Variants in CLIP2 observed in about 807,000 individuals in gnomAD.
CLIP2 encodes the protein CAP-Gly domain containing linker protein 2.
Under a neutral mutation model 111.7 loss-of-function variants are expected in CLIP2, and 41 were observed. The observed-to-expected ratio is 0.37, with a 90% confidence interval of 0.29 to 0.48. The LOEUF (loss-of-function observed/expected upper bound fraction) is 0.48. Among genes scored for constraint, CLIP2 ranks in the 20% least tolerant of loss-of-function variants. The pLI, the probability that CLIP2 is intolerant of heterozygous loss-of-function variation, is 0.99. For missense variants in CLIP2, 1,160 were observed against 1,422.1 expected, an observed-to-expected ratio of 0.82 and a Z score of 2.96; for synonymous variants, 660 against 644.2, an observed-to-expected ratio of 1.02 and a Z score of -0.37.
At chr7:74,374,372 G>T (rs986033392) in intron 9 of CLIP2, among the ~76,000 whole-genome samples, 2 of 152,116 alleles carry the variant, frequency 1.3e-5, no homozygotes, top group Non-Finnish European at 2.9e-5. Context: ...CGGACCGGCC[G>T]GAGCCCTCCA....
intron 14 of CLIP2, among the ~76,000 whole-genome samples, chr7:74,399,541 TTGG>T (rs1189935803): frequency 9.9e-5 from 1 of 10,058 alleles, no homozygotes; most frequent in African/African-American, 4.4e-4. Context: ...CAGTCTTTTT[TTGG>T]GGGGGGGGGG....
chr7:74,343,851 C>T (rs140658670), intron 3 of CLIP2, among the ~76,000 whole-genome samples: 1 of 151,858 alleles, frequency 6.6e-6, no homozygotes, highest in African/African-American at 2.4e-5. Flanking sequence ...TGCAGTGAGC[C>T]ACGATGGGAC....
chr7:74,310,099 G>C (rs1451066852), intron 1 of CLIP2, among the ~76,000 whole-genome samples: 1 of 145,276 alleles, frequency 6.9e-6, no homozygotes, highest in South Asian at 2.2e-4. Context: ...GCGTGATGGC[G>C]CATGCCTGTA....
At chr7:74,320,428 A>G (rs1788916387) in intron 2 of CLIP2, among the ~76,000 whole-genome samples, 1 of 152,074 alleles carries the variant, frequency 6.6e-6, no homozygotes, top group Non-Finnish European at 1.5e-5. Context: ...AGCCTGAAGT[A>G]GGAGATCCGC....
At chr7:74,346,044 TC>T (rs1170697297) in intron 3 of CLIP2, among the ~76,000 whole-genome samples, 1 of 152,020 alleles carries the variant, frequency 6.6e-6, no homozygotes, top group Non-Finnish European at 1.5e-5. Flanking sequence ...AGTGGCATGA[TC>T]CTAGCTCACT....
chr7:74,358,531 C>T (rs1554309033), intron 6 of CLIP2, among the ~76,000 whole-genome samples: 3 of 151,788 alleles, frequency 2.0e-5, no homozygotes, highest in South Asian at 4.2e-4. Context: ...TATTATACTG[C>T]AAGCATTTTC....
chr7:74,326,348 G>T (rs1554730667), intron 2 of CLIP2, among the ~76,000 whole-genome samples: 2 of 152,176 alleles, frequency 1.3e-5, no homozygotes, highest in Non-Finnish European at 2.9e-5. Flanking sequence ...TGCCTCCCCA[G>T]GGGTGGGGTG....
intron 2 of CLIP2, among the ~76,000 whole-genome samples, chr7:74,330,454 G>A (rs1584331369): frequency 6.6e-6 from 1 of 151,450 alleles, no homozygotes; most frequent in Non-Finnish European, 1.5e-5. Context: ...ATGGGGTTTC[G>A]CCATGTTGGC....
chr7:74,306,843 A>G (rs958462836), intron 1 of CLIP2, among the ~76,000 whole-genome samples: 3 of 152,156 alleles, frequency 2.0e-5, no homozygotes, highest in African/African-American at 7.2e-5. Context: ...TTTACAGGTA[A>G]TGAAACTGAG....
rs1791258511 is a variant in CLIP2 at position 74,390,216 on chromosome 7, AGAAAGAAAGG to A, written c.2720+958_2720+967del. On this transcript the variant is annotated intron_variant, in intron 13 of 16. Coordinates refer to ENST00000223398, the MANE Select transcript of CLIP2 (RefSeq NM_003388.5). ...AAGAAAGAAAGAAAGAAAGAAAGAAAGAAAGAAAGGATTAATGCCTCCCCAAAATGTTTGG... is the reference window on the plus strand; with the variant it reads ...AAGAAAGAAAGAAAGAAAGAAAGAAAATTAATGCCTCCCCAAAATGTTTGG... Among the ~76,000 whole-genome samples, 4 of 82,456 alleles carry A rather than the reference AGAAAGAAAGG, an allele frequency of 4.9e-5. No individual in the cohort carries two copies. The South Asian group carries it at 1.1e-3, about 23-fold the overall frequency. The allele number at this position is 82,456 out of a possible 152,430, so 54.1% of individuals were successfully genotyped here.
intron 3 of CLIP2, among the ~76,000 whole-genome samples, chr7:74,353,545 C>G (rs557622905): frequency 6.6e-6 from 1 of 152,126 alleles, no homozygotes; most frequent in Non-Finnish European, 1.5e-5. Flanking sequence ...GCCACCATGC[C>G]CAGCCCCGAA....
intron 1 of CLIP2, among the ~76,000 whole-genome samples, chr7:74,313,396 A>G (rs1380511810): frequency 1.3e-5 from 2 of 151,854 alleles, no homozygotes; most frequent in Admixed American, 6.6e-5. Context: ...CGTCTCTACT[A>G]AAAAATATAA....
chr7:74,346,740 A>C (rs1174464136), intron 3 of CLIP2, among the ~76,000 whole-genome samples: 1 of 59,242 alleles, frequency 1.7e-5, no homozygotes, highest in African/African-American at 3.6e-5. Context: ...AAAAAAAAAA[A>C]AACAAAACAC....
intron 1 of CLIP2, among the ~76,000 whole-genome samples, chr7:74,313,559 CAA>C (rs781919019): frequency 9.0e-5 from 11 of 121,646 alleles, no homozygotes; most frequent in Admixed American, 8.6e-5. Context: ...GACTCCATCT[CAA>C]AAAAAAAAAA....
At position 74,359,953 on chromosome 7, in the gene CLIP2, A is replaced by G. The variant is rs559283649; in HGVS notation, c.1216-222A>G. On this transcript the variant is annotated intron_variant, in intron 6 of 16. Coordinates refer to ENST00000223398, the MANE Select transcript of CLIP2 (RefSeq NM_003388.5). Reference sequence around the variant, plus strand: ...GGGTTGAGGCGGGAGGCAGGTACTGAGGGCAGGTGGGCCTAAGGGTCCTGC... The same window carrying G: ...GGGTTGAGGCGGGAGGCAGGTACTGGGGGCAGGTGGGCCTAAGGGTCCTGC... Among the ~76,000 whole-genome samples the G allele has an allele frequency of 3.3e-5, 5 of 152,270 alleles. No homozygotes were observed. The East Asian group carries it at 9.7e-4, about 29-fold the overall frequency.
intron 13 of CLIP2, among the ~76,000 whole-genome samples, chr7:74,391,501 T>G (rs782446374): frequency 6.7e-6 from 1 of 150,286 alleles, no homozygotes. Flanking sequence ...TCTGAGCCTT[T>G]AAGAAATTAG....
rs376352239 is a variant in CLIP2, at chr7:74,307,166, C to T, written c.-67-10314C>T. Reference sequence around the variant, plus strand: ...CTCCCCCTCCCACAGCAAGGGTGGCCGGGCCTGACTGAATGCCGCCTTGGT... The same window carrying T: ...CTCCCCCTCCCACAGCAAGGGTGGCTGGGCCTGACTGAATGCCGCCTTGGT... On this transcript the variant is annotated intron_variant, in intron 1 of 16. Coordinates refer to ENST00000223398, the MANE Select transcript of CLIP2 (RefSeq NM_003388.5). Among the ~76,000 whole-genome samples, 27 of 152,314 alleles carry T rather than the reference C, an allele frequency of 1.8e-4. No homozygotes were observed. In the East Asian group the frequency reaches 2.7e-3, roughly 15 times the overall value.
chr7:74,346,273 A>T (rs548080383), intron 3 of CLIP2, among the ~76,000 whole-genome samples: 6 of 152,074 alleles, frequency 3.9e-5, no homozygotes, highest in Non-Finnish European at 8.8e-5. Flanking sequence ...GAGCCACCAC[A>T]TGCAGCTATG....
At position 74,371,623 on chromosome 7, in the gene CLIP2, CAG is replaced by C. The variant is rs372750123; in HGVS notation, c.1381-1308_1381-1307del. Reference sequence around the variant, plus strand: ...GGAGAGAAGGAGGGAGGGAGGGAAACAGGGAGGGGAATGGAGAGAGAGAGGGA... The same window carrying C: ...GGAGAGAAGGAGGGAGGGAGGGAAACGGAGGGGAATGGAGAGAGAGAGGGA... On this transcript the variant is annotated intron_variant, in intron 8 of 16. Coordinates refer to ENST00000223398, the MANE Select transcript of CLIP2 (RefSeq NM_003388.5). Among the ~76,000 whole-genome samples, 119 of 115,778 alleles carry C rather than the reference CAG, an allele frequency of 1.0e-3. 1 individual carries two copies. Among genetic ancestry groups the C allele is most frequent in the African/African-American group, 1.8e-3 (53 of 28,894 alleles). 76.0% of individuals were successfully genotyped at this position (115,778 alleles called of 152,430 possible). A position where few individuals can be genotyped will look rare whatever the true frequency, so the allele number is the denominator to read the frequency against.
Sources: allele counts gnomAD v4.1 joint callset (sites outside exome capture counted in the v4.1 genomes callset), GRCh38; gene constraint gnomAD v4.1.1; transcripts MANE v1.5; gene names NCBI Gene and HGNC (gene_info 2026-07-23, HGNC 2026-07-21).